CHRM3: variants seen among roughly 807,000 people sequenced by gnomAD.
CHRM3 encodes the protein cholinergic receptor muscarinic 3.
A neutral mutation model predicts 41.8 loss-of-function variants in CHRM3; 11 were observed. The observed-to-expected ratio is 0.26, with a 90% CI of 0.17 to 0.44. The LOEUF (loss-of-function observed/expected upper bound fraction) is 0.44. Ranked by LOEUF, CHRM3 falls within the 20% of genes least tolerant of loss-of-function variation. The pLI, the probability that CHRM3 is intolerant of heterozygous loss-of-function variation, is 1.00. For synonymous variants in CHRM3, 297 were observed against 301.4 expected (o/e 0.99, Z 0.15); for missense variants, 571 against 745.4 (o/e 0.77, Z 2.72).
At chr1:239,716,141 T>C (rs191742689) in intron 5 of CHRM3, among the ~76,000 whole-genome samples, 15 of 152,182 alleles carry the variant, frequency 9.9e-5, no homozygotes, top group African/African-American at 3.6e-4. Context: ...TTTGAAGTGA[T>C]AGGCTATGAT....
chr1:239,654,181 G>T (rs188214113), intron 4 of CHRM3, among the ~76,000 whole-genome samples: 86 of 152,140 alleles, frequency 5.7e-4, no homozygotes, highest in Non-Finnish European at 8.1e-4. Context: ...CGTTACTCAG[G>T]ATGGTCTCAA....
chr1:239,707,103 C>A (rs910154091), intron 5 of CHRM3: 2 of 152,130 alleles, frequency 1.3e-5, no homozygotes, highest in East Asian at 1.9e-4. Flanking sequence ...AATGAACGAA[C>A]CTTACAGACT....
chr1:239,495,800 C>T (rs974420688), intron 2 of CHRM3, among the ~76,000 whole-genome samples: 3 of 152,140 alleles, frequency 2.0e-5, no homozygotes, highest in African/African-American at 7.2e-5. Flanking sequence ...GTTATTATTA[C>T]TGTTATTGTT....
chr1:239,606,721 C>A (rs2148721033), intron 3 of CHRM3, among the ~76,000 whole-genome samples: 1 of 152,260 alleles, frequency 6.6e-6, no homozygotes, highest in South Asian at 2.1e-4. Context: ...GTCAAAATTA[C>A]CAGATTCGTA....
chr1:239,851,453 G>A (rs745543402), intron 6 of CHRM3, among the ~76,000 whole-genome samples: 1 of 152,134 alleles, frequency 6.6e-6, no homozygotes, highest in South Asian at 2.1e-4. Flanking sequence ...ACCCTAAAAA[G>A]AGGGACTTCA....
intron 2 of CHRM3, among the ~76,000 whole-genome samples, chr1:239,504,707 T>G (rs1212959115): frequency 6.6e-6 from 1 of 152,124 alleles, no homozygotes; most frequent in African/African-American, 2.4e-5. Flanking sequence ...TATGGTATAT[T>G]TATATGTTGC....
intron 1 of CHRM3, among the ~76,000 whole-genome samples, chr1:239,411,333 G>A (rs1256647009): frequency 6.6e-6 from 1 of 152,072 alleles, no homozygotes; most frequent in Non-Finnish European, 1.5e-5. Context: ...CTTTTAAAAT[G>A]TTTTGTTTTA....
At chr1:239,798,811 A>T (rs1374289065) in intron 5 of CHRM3, among the ~76,000 whole-genome samples, 2 of 152,214 alleles carry the variant, frequency 1.3e-5, no homozygotes, top group Non-Finnish European at 2.9e-5. Flanking sequence ...TCTTAAAATT[A>T]GGTGCTGGTA....
Position 239,816,128 on chromosome 1 carries a change from A to C in CHRM3, c.-146-11124A>C, listed in dbSNP as rs139980910. The stretch of plus-strand genomic sequence containing the variant: ...TATCCAGAGGATTCACCCACCCACC[A>C]GTTTGCTGCCATCTAGGTGGCCTAG... On this transcript the variant is annotated intron_variant, in intron 5 of 6. Transcript: ENST00000676153. Among the ~76,000 whole-genome samples, 430 of 151,978 alleles carry C rather than the reference A, an allele frequency of 2.8e-3. 2 individuals are homozygous for C. Among genetic ancestry groups the C allele is most frequent in the African/African-American group, 0.01 (420 of 41,446 alleles).
At chr1:239,787,670 A>T (rs1257867912) in intron 5 of CHRM3, among the ~76,000 whole-genome samples, 1 of 152,128 alleles carries the variant, frequency 6.6e-6, no homozygotes, top group Non-Finnish European at 1.5e-5. Context: ...AAGCGGGAAC[A>T]GCTACCTCAC....
At chr1:239,849,917 C>T (rs1011926825) in intron 6 of CHRM3, among the ~76,000 whole-genome samples, 1 of 152,124 alleles carries the variant, frequency 6.6e-6, no homozygotes, top group African/African-American at 2.4e-5. Flanking sequence ...ACCTGGCAAA[C>T]CCAGGTTGTC....
At chr1:239,556,103 G>C (rs1215940676) in intron 3 of CHRM3, among the ~76,000 whole-genome samples, 4 of 152,146 alleles carry the variant, frequency 2.6e-5, no homozygotes, top group East Asian at 1.9e-4. Context: ...GAGGAAATGA[G>C]AAACATTAAC....
intron 6 of CHRM3, chr1:239,886,249 C>T (rs1023807005): frequency 1.3e-5 from 2 of 152,106 alleles, no homozygotes; most frequent in South Asian, 2.1e-4. Context: ...CAATTGTAGG[C>T]GCACAAAAGC....
At chr1:239,500,301 T>G (rs551113429) in intron 2 of CHRM3, among the ~76,000 whole-genome samples, 2 of 151,856 alleles carry the variant, frequency 1.3e-5, no homozygotes, top group East Asian at 3.9e-4. Flanking sequence ...AAAGGATGAG[T>G]TCATGTCCTT....
chr1:239,449,296 A>G (rs1020476140), intron 1 of CHRM3, among the ~76,000 whole-genome samples: 1 of 152,186 alleles, frequency 6.6e-6, no homozygotes, highest in African/African-American at 2.4e-5. Context: ...TATTTAACTC[A>G]ATGTAGGTAT....
chr1:239,863,481 C>T (rs907805223), intron 6 of CHRM3, among the ~76,000 whole-genome samples: 3 of 152,132 alleles, frequency 2.0e-5, no homozygotes, highest in African/African-American at 7.2e-5. Flanking sequence ...CCTTACTGGC[C>T]AGAACCTTAC....
At chr1:239,623,260 C>G (rs1213083963) in intron 3 of CHRM3, among the ~76,000 whole-genome samples, 1 of 134,646 alleles carries the variant, frequency 7.4e-6, no homozygotes, top group Admixed American at 7.7e-5. Flanking sequence ...TATCCCTCCC[C>G]CCTCCCCCAA....
intron 6 of CHRM3, among the ~76,000 whole-genome samples, chr1:239,880,526 C>T (rs891665975): frequency 5.9e-5 from 9 of 152,234 alleles, no homozygotes; most frequent in African/African-American, 2.2e-4. Context: ...GACAGAGTCT[C>T]ACTATGTTGC....
chr1:239,631,447 A>T (rs1161925394), intron 3 of CHRM3, among the ~76,000 whole-genome samples: 1 of 152,178 alleles, frequency 6.6e-6, no homozygotes, highest in Non-Finnish European at 1.5e-5. Flanking sequence ...GTCCTCCTTT[A>T]AAAAATTCAA....
Sources: allele counts gnomAD v4.1 joint callset (sites outside exome capture counted in the v4.1 genomes callset), GRCh38; gene constraint gnomAD v4.1.1; transcripts MANE v1.5; gene names NCBI Gene and HGNC (gene_info 2026-07-23, HGNC 2026-07-21).